Variants in NBAS observed in about 807,000 individuals in gnomAD.
NBAS encodes the protein NBAS subunit of NRZ tethering complex, also known as NAG/BC035112 fusion.
NBAS carries 219 observed loss-of-function variants against 302.5 expected under a neutral mutation model. The observed-to-expected ratio is 0.72, with a 90% CI of 0.65 to 0.81. The LOEUF is 0.81. NBAS is among the 30% of genes least tolerant of loss of function. The pLI is 0.00. For synonymous variants in NBAS, 1,118 were observed against 1,021.6 expected (o/e 1.09, Z -1.80); for missense variants, 2,932 against 2,841.6 (o/e 1.03, Z -0.72).
chr2:15,270,935 C>A (rs1431644681), intron 44 of NBAS, among the ~76,000 whole-genome samples: 1 of 152,124 alleles, frequency 6.6e-6, no homozygotes, highest in African/African-American at 2.4e-5. Flanking sequence ...ATTTTAATGT[C>A]AGTTTCAGAC....
intron 25 of NBAS, among the ~76,000 whole-genome samples, chr2:15,405,138 G>T (rs1441328300): frequency 6.6e-6 from 1 of 152,124 alleles, no homozygotes; most frequent in African/African-American, 2.4e-5. Context: ...CAATAATCCA[G>T]TGTTATCTCC....
chr2:14,872,697 C>G, the NBAS span, among the ~76,000 whole-genome samples: 1 of 152,142 alleles, frequency 6.6e-6, no homozygotes, highest in Non-Finnish European at 1.5e-5. Flanking sequence ...AGTTCGTGGT[C>G]TCACTGGCTT....
intron 21 of NBAS, among the ~76,000 whole-genome samples, chr2:15,437,592 C>G (rs1448362215): frequency 1.3e-5 from 2 of 152,082 alleles, no homozygotes; most frequent in Non-Finnish European, 2.9e-5. Flanking sequence ...GCGAATAAGT[C>G]TAACACACTT....
intron 21 of NBAS, among the ~76,000 whole-genome samples, chr2:15,452,367 G>A (rs891537719): frequency 2.0e-4 from 30 of 152,220 alleles, no homozygotes; most frequent in African/African-American, 6.7e-4. Flanking sequence ...AGGCCGAGGC[G>A]GGTGGATCTC....
chr2:14,785,608 G>A, the NBAS span, among the ~76,000 whole-genome samples: 191 of 152,158 alleles, frequency 1.3e-3, no homozygotes, highest in Admixed American at 4.7e-3. Context: ...TTCTGTTTAT[G>A]TGCTGGATTA....
chr2:15,464,353 A>G (rs761046895), intron 19 of NBAS, among the ~76,000 whole-genome samples: 26 of 151,594 alleles, frequency 1.7e-4, no homozygotes, highest in Non-Finnish European at 3.4e-4. Flanking sequence ...GAAATCCCTC[A>G]TTTTTCCAAC....
At chr2:14,837,463 T>A in the NBAS span, among the ~76,000 whole-genome samples, 2 of 151,702 alleles carry the variant, frequency 1.3e-5, no homozygotes, top group Admixed American at 6.6e-5. Flanking sequence ...AGAATGCTGT[T>A]TCTCCTTTTT....
intron 44 of NBAS, among the ~76,000 whole-genome samples, chr2:15,266,445 C>T (rs1421337478): frequency 6.6e-6 from 1 of 152,142 alleles, no homozygotes; most frequent in East Asian, 1.9e-4. Flanking sequence ...TTGTACCTTA[C>T]CCTCTCTTCT....
At chr2:14,895,755 T>G in the NBAS span, among the ~76,000 whole-genome samples, 1 of 145,358 alleles carries the variant, frequency 6.9e-6, no homozygotes, top group African/African-American at 2.5e-5. Context: ...AAAAAAAAGC[T>G]TCTGCAAAGA....
chr2:15,516,551 C>T lies in NBAS; in HGVS notation c.747-5201G>A, dbSNP rs150351451. Among the ~76,000 whole-genome samples the T allele has an allele frequency of 4.8e-3, 728 of 152,032 alleles. 8 individuals are homozygous for T. Among genetic ancestry groups the T allele is most frequent in the African/African-American group, 0.016 (671 of 41,466 alleles). On this transcript the variant is annotated intron_variant, in intron 9 of 51. Transcript: ENST00000281513. ...CACCCTGGGCAACATGGTGAAACCC[C>T]GTCTCTACTAAAATACAAAAAATTA...
At chr2:15,478,818 G>C (rs901416855) in intron 12 of NBAS, among the ~76,000 whole-genome samples, 1 of 152,094 alleles carries the variant, frequency 6.6e-6, no homozygotes, top group East Asian at 1.9e-4. Flanking sequence ...TGTAATCTTA[G>C]GGCAATATGG....
At chr2:14,916,939 T>C in the NBAS span, among the ~76,000 whole-genome samples, 25 of 152,322 alleles carry the variant, frequency 1.6e-4, no homozygotes, top group Non-Finnish European at 3.2e-4. Flanking sequence ...CATCTGTGAA[T>C]AACACTAGAA....
At chr2:15,523,256 C>G (rs1662764270) in intron 9 of NBAS, among the ~76,000 whole-genome samples, 1 of 152,152 alleles carries the variant, frequency 6.6e-6, no homozygotes, top group Non-Finnish European at 1.5e-5. Context: ...CCCGGAGAGA[C>G]TAACTGCTCA....
chr2:15,181,007 T>C (rs1273375278), intron 50 of NBAS, among the ~76,000 whole-genome samples: 1 of 152,222 alleles, frequency 6.6e-6, no homozygotes, highest in Non-Finnish European at 1.5e-5. Context: ...ACTGTATAAA[T>C]ATTTCCCACC....
At chr2:14,918,341 G>C in the NBAS span, among the ~76,000 whole-genome samples, 4 of 151,546 alleles carry the variant, frequency 2.6e-5, no homozygotes, top group Non-Finnish European at 4.4e-5. Context: ...CAATGTAATG[G>C]TGTTTTCATC....
intron 47 of NBAS, among the ~76,000 whole-genome samples, chr2:15,224,799 A>G (rs933231667): frequency 2.6e-5 from 4 of 151,982 alleles, no homozygotes; most frequent in Non-Finnish European, 5.9e-5. Flanking sequence ...GGACATAAAC[A>G]CTCATTCCAT....
chr2:15,427,760 G>T lies in NBAS; in HGVS notation c.2374C>A (p.His792Asn). 6.2e-7 allele frequency: 1 copy of T among 1,613,364 alleles called. No individual in the cohort carries two copies. Among genetic ancestry groups the T allele is most frequent in the Non-Finnish European group, 8.5e-7 (1 of 1,179,748 alleles). Residue 792 changes from histidine (H) to asparagine (N), a missense_variant, in exon 22 of 52, where the codon CAT becomes AAT. Transcript: ENST00000281513. ...TCTTTAGCTCGGTGTTTATGTTCAT[G>T]CCAAGGAATGATCATCAGGGAGTCA... ...NGDSLMIIPW[H>N]EHKHRAKDWC... is the part of the protein sequence containing the mutation.
chr2:15,060,267 G>A, the NBAS span, among the ~76,000 whole-genome samples: 1 of 152,158 alleles, frequency 6.6e-6, no homozygotes, highest in East Asian at 1.9e-4. Flanking sequence ...TGTCCGGGGA[G>A]CACATTCCCC....
chr2:15,419,531 T>G (rs1171537062), intron 23 of NBAS, among the ~76,000 whole-genome samples: 1 of 152,012 alleles, frequency 6.6e-6, no homozygotes, highest in East Asian at 1.9e-4. Context: ...CTAGTGATCT[T>G]CCCACCTCCG....
Sources: gnomAD v4.1 joint callset for allele counts (sites outside exome capture counted in the v4.1 genomes callset) on GRCh38, gnomAD v4.1.1 for gene constraint, MANE v1.5 for transcripts, NCBI Gene and HGNC (gene_info 2026-07-23, HGNC 2026-07-21) for gene names.